The following SOX6 variants were observed in gnomAD, a reference collection of about 807,000 sequenced individuals.
SOX6 encodes the protein SRY-box transcription factor 6, also known as transcription factor SOX-6.
Under a neutral mutation model 97.8 loss-of-function variants are expected in SOX6, and 11 were observed. The ratio of observed to expected loss-of-function variants is 0.11; its 90% CI spans 0.07 to 0.19. The LOEUF (loss-of-function observed/expected upper bound fraction) is 0.19, where lower values mean the gene tolerates loss of function less well. Among genes scored for constraint, SOX6 ranks in the 10% least tolerant of loss-of-function variants. The pLI, the probability that SOX6 is intolerant of heterozygous loss-of-function variation, is 1.00. For synonymous variants in SOX6, 360 were observed against 371.4 expected (o/e 0.97, Z 0.35); for missense variants, 810 against 1,039.5 (o/e 0.78, Z 3.04).
At chr11:16,258,152 T>G (rs1267743134) in intron 3 of SOX6, among the ~76,000 whole-genome samples, 2 of 7,606 alleles carry the variant, frequency 2.6e-4, no homozygotes, top group Non-Finnish European at 7.2e-4. Flanking sequence ...CAGGACACTT[T>G]GGCAGTTTCT....
intron 1 of SOX6, among the ~76,000 whole-genome samples, chr11:16,441,352 TTTAAG>T (rs1169488389): frequency 2.6e-5 from 4 of 152,314 alleles, no homozygotes; most frequent in Admixed American, 6.5e-5. Flanking sequence ...TTATTTGTTA[TTTAAG>T]TTATGTGTAA....
intron 1 of SOX6, among the ~76,000 whole-genome samples, chr11:16,406,705 T>C (rs926483278): frequency 2.0e-5 from 3 of 152,106 alleles, no homozygotes; most frequent in Admixed American, 1.3e-4. Flanking sequence ...AAAAGTTTTA[T>C]GGCAAAGGTC....
At chr11:16,349,717 A>AAGGG in intron 1 of SOX6, among the ~76,000 whole-genome samples, 1 of 76,610 alleles carries the variant, frequency 1.3e-5, no homozygotes, top group East Asian at 5.3e-4. Flanking sequence ...AGGAAGGAAG[A>AAGGG]AGGAAGGAAG....
chr11:16,593,647 C>G (rs192681257), intron 4 of SOX6, among the ~76,000 whole-genome samples: 7 of 152,202 alleles, frequency 4.6e-5, no homozygotes, highest in Admixed American at 4.6e-4. Context: ...GTACTGTAAT[C>G]AGACTTTCAT....
chr11:16,648,012 G>C (rs1253085022), intron 3 of SOX6, among the ~76,000 whole-genome samples: 1 of 152,118 alleles, frequency 6.6e-6, no homozygotes. Context: ...AAATTTTCTT[G>C]AGCAGAGTCT....
intron 3 of SOX6, among the ~76,000 whole-genome samples, chr11:16,277,992 C>G (rs1392174221): frequency 6.6e-6 from 1 of 152,074 alleles, no homozygotes; most frequent in South Asian, 2.1e-4. Flanking sequence ...TTGGCCAATG[C>G]CTGGTATTAC....
At chr11:16,161,331 T>TAC (rs1442202478) in intron 6 of SOX6, among the ~76,000 whole-genome samples, 2 of 150,984 alleles carry the variant, frequency 1.3e-5, no homozygotes, top group African/African-American at 4.9e-5. Flanking sequence ...TATATATATA[T>TAC]ATCAGATATA....
chr11:16,045,177 A>T (rs949368290), intron 12 of SOX6, among the ~76,000 whole-genome samples: 6 of 152,190 alleles, frequency 3.9e-5, no homozygotes, highest in Admixed American at 1.3e-4. Flanking sequence ...ACTTCAACAG[A>T]TAATACAAAT....
chr11:16,540,969 T>A (rs1310707213), intron 4 of SOX6, among the ~76,000 whole-genome samples: 1 of 152,136 alleles, frequency 6.6e-6, no homozygotes, highest in East Asian at 1.9e-4. Flanking sequence ...TGGAAAAAAC[T>A]ATTCTAAAGT....
chr11:16,017,415 T>A (rs979604141), intron 12 of SOX6, among the ~76,000 whole-genome samples: 1 of 152,036 alleles, frequency 6.6e-6, no homozygotes, highest in Non-Finnish European at 1.5e-5. Context: ...GTGGGTTGCA[T>A]TTTAGATTTG....
At position 16,613,941 on chromosome 11, in the gene SOX6, A is replaced by T. The variant is rs1848434614; in HGVS notation, n.430-1681T>A. Among the ~76,000 whole-genome samples, 1 of 152,130 alleles carries T rather than the reference A, an allele frequency of 6.6e-6. No homozygotes were observed. The highest frequency in any genetic ancestry group is 6.5e-5 in the Admixed American group (1 of 15,282). On this transcript the variant is annotated intron_variant and non_coding_transcript_variant, in intron 3 of 5. Transcript: ENST00000524520. This position sits in a 1 kb window ranked among gnomAD's most constrained non-coding sequence, Gnocchi z 4.6. ...GACCGCCTGAAAGAGAAGCAAAGGGAGGGCGCCCTGCGGGCGGGCGGGCCA... is the reference window on the plus strand; with the variant it reads ...GACCGCCTGAAAGAGAAGCAAAGGGTGGGCGCCCTGCGGGCGGGCGGGCCA...
At chr11:16,143,762 T>C (rs1850213774) in intron 6 of SOX6, among the ~76,000 whole-genome samples, 1 of 152,176 alleles carries the variant, frequency 6.6e-6, no homozygotes, top group African/African-American at 2.4e-5. Context: ...AGAAGGCCAT[T>C]ACATAATGGT....
intron 3 of SOX6, among the ~76,000 whole-genome samples, chr11:16,268,772 TG>T (rs1203470465): frequency 4.6e-5 from 7 of 151,194 alleles, no homozygotes; most frequent in African/African-American, 1.7e-4. Flanking sequence ...GAGATTTTTT[TG>T]TCCTTATTTC....
intron 13 of SOX6, among the ~76,000 whole-genome samples, chr11:16,010,916 A>G (rs919995153): frequency 1.3e-5 from 2 of 152,070 alleles, no homozygotes; most frequent in Admixed American, 6.6e-5. Flanking sequence ...GTGTTTTATC[A>G]AGATTCTAAT....
At chr11:16,030,237 T>C (rs1014164318) in intron 12 of SOX6, among the ~76,000 whole-genome samples, 3 of 152,208 alleles carry the variant, frequency 2.0e-5, no homozygotes, top group Non-Finnish European at 4.4e-5. Context: ...TTTGAATAAA[T>C]ATGATCTATT....
rs111485085 is a variant in SOX6, at chr11:16,111,721, C to T, written c.898+82G>A. On this transcript the variant is annotated intron_variant, in intron 7 of 15. Coordinates refer to ENST00000683767, the MANE Select transcript of SOX6 (RefSeq NM_001367873.1). Reference sequence around the variant, plus strand: ...TTTTTATTCATAGTTCCCTGGCATGCTCCTGTGTTTGTTGTGAGTACTAAG... The same window carrying T: ...TTTTTATTCATAGTTCCCTGGCATGTTCCTGTGTTTGTTGTGAGTACTAAG... 408 of 1,528,878 alleles carry T rather than the reference C, an allele frequency of 2.7e-4. 2 individuals carry two copies. In the African/African-American group the frequency reaches 5.1e-3, roughly 19 times the overall value. The allele number at this position is 1,528,878 out of a possible 1,614,324, so 94.7% of individuals were successfully genotyped here. A position where few individuals can be genotyped will look rare whatever the true frequency, so the allele number is the denominator to read the frequency against.
At chr11:16,580,321 T>C (rs947586760) in intron 4 of SOX6, among the ~76,000 whole-genome samples, 10 of 152,162 alleles carry the variant, frequency 6.6e-5, no homozygotes, top group African/African-American at 2.4e-4. Flanking sequence ...GCAAGATATG[T>C]TCTAGTAATA....
chr11:16,189,464 C>A (rs1460811573), intron 4 of SOX6, among the ~76,000 whole-genome samples: 1 of 151,460 alleles, frequency 6.6e-6, no homozygotes, highest in Non-Finnish European at 1.5e-5. Context: ...GGATGGGGGG[C>A]AGTTTGGTGT....
At chr11:16,530,110 C>T (rs1204503350) in intron 4 of SOX6, among the ~76,000 whole-genome samples, 1 of 151,946 alleles carries the variant, frequency 6.6e-6, no homozygotes, top group Admixed American at 6.6e-5. Flanking sequence ...TAGATCTAGC[C>T]TCTAATTCCA....
Sources: allele counts gnomAD v4.1 joint callset (sites outside exome capture counted in the v4.1 genomes callset), GRCh38; gene constraint gnomAD v4.1.1; non-coding constraint Gnocchi (gnomAD v3.1); transcripts MANE v1.5; gene names NCBI Gene and HGNC (gene_info 2026-07-23, HGNC 2026-07-21).